Variants in NRXN3 observed in about 807,000 individuals in gnomAD.
The protein encoded by NRXN3 is neurexin 3.
NRXN3 carries 32 observed loss-of-function variants against 137.6 expected under a neutral mutation model. That is an observed-to-expected ratio of 0.23 (90% CI 0.18 to 0.31). NRXN3 has a LOEUF of 0.31. NRXN3 is among the 10% of genes least tolerant of loss of function. The pLI is 1.00. For synonymous variants in NRXN3, 798 were observed against 784.5 expected (o/e 1.02, Z -0.29); for missense variants, 1,574 against 2,062.5 (o/e 0.76, Z 4.59).
intron 15 of NRXN3, among the ~76,000 whole-genome samples, chr14:79,030,650 T>TTTC (rs1310470751): frequency 6.7e-6 from 1 of 148,790 alleles, no homozygotes; most frequent in Non-Finnish European, 1.5e-5. Flanking sequence ...TTTTTTTTTT[T>TTTC]TTTTTTTTAG....
chr14:78,595,554 C>A (rs978097651), intron 4 of NRXN3, among the ~76,000 whole-genome samples: 2 of 152,088 alleles, frequency 1.3e-5, no homozygotes, highest in Non-Finnish European at 2.9e-5. Flanking sequence ...TCACCCAAAC[C>A]CTTTCTTTCC....
rs75391705 is a variant in NRXN3 at position 79,260,063 on chromosome 14, C to T, written c.3263-207158C>T. On this transcript the variant is annotated intron_variant, in intron 15 of 20. Transcript: ENST00000335750. ...TGGAATGATCCTGGTCATATGTTTT[C>T]CTGAAATTTTCTCAAGTTTTGCAAA... Among the ~76,000 whole-genome samples, 25 of 152,168 alleles carry T rather than the reference C, an allele frequency of 1.6e-4. No individual in the cohort carries two copies. The East Asian group carries it at 4.6e-3, about 28-fold the overall frequency.
rs544743549 is a variant in NRXN3, at chr14:78,946,147, A to T, written c.2276-11095A>T. Among the ~76,000 whole-genome samples, 26 of 152,358 alleles carry T rather than the reference A, an allele frequency of 1.7e-4. No individual in the cohort carries two copies. The Middle Eastern group carries it at 0.01, about 60-fold the overall frequency. On this transcript the variant is annotated intron_variant, in intron 10 of 20. Transcript: ENST00000335750. ...AAGTTAACATAGGTAAAGCACTTAG[A>T]ATAGTGTCTTATGACTATTGTCTGG...
At chr14:79,540,349 T>C (rs887269227) in intron 16 of NRXN3, among the ~76,000 whole-genome samples, 1 of 111,450 alleles carries the variant, frequency 9.0e-6, no homozygotes, top group Non-Finnish European at 1.8e-5. Context: ...GTTTGATACA[T>C]GTAGACATTA....
chr14:78,469,823 A>G (rs557653655), intron 4 of NRXN3, among the ~76,000 whole-genome samples: 1 of 152,370 alleles, frequency 6.6e-6, no homozygotes, highest in Non-Finnish European at 1.5e-5. Flanking sequence ...GAGAAGGTAA[A>G]TTCAGTCTGA....
At chr14:79,822,765 A>C (rs2099276442) in intron 20 of NRXN3, among the ~76,000 whole-genome samples, 1 of 136,256 alleles carries the variant, frequency 7.3e-6, no homozygotes, top group East Asian at 2.2e-4. Flanking sequence ...GGTAATTTTT[A>C]ATTTCAGTTA....
chr14:79,221,402 C>T (rs1307264342), intron 15 of NRXN3, among the ~76,000 whole-genome samples: 2 of 152,140 alleles, frequency 1.3e-5, no homozygotes, highest in Non-Finnish European at 2.9e-5. Flanking sequence ...TCTTCACATC[C>T]TCCCCAGCAT....
intron 19 of NRXN3, among the ~76,000 whole-genome samples, chr14:79,762,844 ATGAACATCTGTTT>A (rs1350518171): frequency 6.6e-6 from 1 of 151,686 alleles, no homozygotes; most frequent in Non-Finnish European, 1.5e-5. Flanking sequence ...GGAGAGTTAA[ATGAACATCTGTTT>A]TTTCTTTTCT....
intron 15 of NRXN3, among the ~76,000 whole-genome samples, chr14:79,049,637 C>T (rs938409988): frequency 1.3e-5 from 2 of 152,054 alleles, no homozygotes; most frequent in African/African-American, 2.4e-5. Context: ...TTACTTTGCC[C>T]ATATCCAACA....
intron 4 of NRXN3, among the ~76,000 whole-genome samples, chr14:78,374,104 C>T (rs114256251): frequency 1.5e-4 from 23 of 152,094 alleles, no homozygotes; most frequent in Admixed American, 3.9e-4. Flanking sequence ...CATATAGATA[C>T]GTGTTTAGTG....
chr14:79,114,957 C>T (rs1293191924), intron 15 of NRXN3, among the ~76,000 whole-genome samples: 1 of 152,108 alleles, frequency 6.6e-6, no homozygotes, highest in Admixed American at 6.6e-5. Flanking sequence ...TACGACATTA[C>T]TCTTGGGTCT....
chr14:78,513,375 C>T (rs972745826), intron 4 of NRXN3, among the ~76,000 whole-genome samples: 1 of 152,062 alleles, frequency 6.6e-6, no homozygotes, highest in East Asian at 1.9e-4. Context: ...ACAGGAGAAA[C>T]ATTAGAAGTT....
In NRXN3 at chr14:79,031,609, T is replaced by A. The variant is rs181176983; in HGVS notation, c.3262+43468T>A. Among the ~76,000 whole-genome samples the A allele has an allele frequency of 5.4e-3, 823 of 152,252 alleles. 25 individuals carry two copies. The highest frequency in any genetic ancestry group is 0.051 in the Admixed American group (772 of 15,276). The stretch of plus-strand genomic sequence containing the variant: ...TTTTGGAAGAAAGTGAGAATCGTAA[T>A]ATACTTGCGAAACAGATTGGATTCC... On this transcript the variant is annotated intron_variant, in intron 15 of 20. Coordinates refer to ENST00000335750, the MANE Select transcript of NRXN3 (RefSeq NM_001330195.2).
At chr14:78,892,945 T>G (rs2099163489) in intron 10 of NRXN3, among the ~76,000 whole-genome samples, 1 of 151,902 alleles carries the variant, frequency 6.6e-6, no homozygotes, top group Admixed American at 6.6e-5. Flanking sequence ...AGGATGACTG[T>G]GCTCTGAAGT....
chr14:79,139,781 C>T (rs1189942859), intron 15 of NRXN3, among the ~76,000 whole-genome samples: 1 of 151,694 alleles, frequency 6.6e-6, no homozygotes, highest in Admixed American at 6.6e-5. Flanking sequence ...AAAATCAAAA[C>T]AAAAAATCAG....
intron 4 of NRXN3, among the ~76,000 whole-genome samples, chr14:78,516,591 G>A (rs571835086): frequency 1.1e-3 from 173 of 151,928 alleles, no homozygotes; most frequent in Middle Eastern, 0.01. Flanking sequence ...GGAGAGCACC[G>A]AGGTCAACAT....
At chr14:78,771,982 T>G (rs780334412) in intron 8 of NRXN3, among the ~76,000 whole-genome samples, 4 of 152,212 alleles carry the variant, frequency 2.6e-5, no homozygotes, top group Non-Finnish European at 4.4e-5. Context: ...GACCCAAGTC[T>G]AAACATGAAA....
intron 15 of NRXN3, among the ~76,000 whole-genome samples, chr14:79,086,265 G>A (rs1272960604): frequency 6.6e-6 from 1 of 152,128 alleles, no homozygotes; most frequent in Non-Finnish European, 1.5e-5. Flanking sequence ...CTGAGGCAAA[G>A]TCATTTTCTC....
At chr14:79,679,234 C>A (rs2098656875) in intron 17 of NRXN3, among the ~76,000 whole-genome samples, 1 of 152,028 alleles carries the variant, frequency 6.6e-6, no homozygotes, top group African/African-American at 2.4e-5. Context: ...TTTATAAAAT[C>A]TCTCTATACA....
Sources: allele counts gnomAD v4.1 joint callset (sites outside exome capture counted in the v4.1 genomes callset), GRCh38; gene constraint gnomAD v4.1.1; transcripts MANE v1.5; gene names NCBI Gene and HGNC (gene_info 2026-07-23, HGNC 2026-07-21).